TAFA2: variants seen among roughly 807,000 people sequenced by gnomAD.
The protein encoded by TAFA2 is chemokine-like protein TAFA-2.
In TAFA2, 7 loss-of-function variants were observed where a neutral mutation model predicts 18.8. That is an observed-to-expected ratio of 0.37 (90% CI 0.21 to 0.70). The LOEUF (loss-of-function observed/expected upper bound fraction) is 0.70, where lower values mean the gene tolerates loss of function less well. TAFA2 is among the 30% of genes least tolerant of loss of function. The probability of loss-of-function intolerance (pLI) is 0.53; values close to 1 mark genes in which losing one functional copy is unlikely to be tolerated. For synonymous variants in TAFA2, 60 were observed against 54.2 expected, an observed-to-expected ratio of 1.11 and a Z score of -0.47; for missense variants, 122 against 158.1, an observed-to-expected ratio of 0.77 and a Z score of 1.23.
At chr12:62,036,799 C>T (rs1333351573) in intron 1 of TAFA2, among the ~76,000 whole-genome samples, 1 of 152,164 alleles carries the variant, frequency 6.6e-6, no homozygotes, top group Non-Finnish European at 1.5e-5. Flanking sequence ...AGAGAAGTTG[C>T]ACCACCAGAA....
chr12:62,060,500 TTAATAA>T (rs1232380647), intron 1 of TAFA2, among the ~76,000 whole-genome samples: 1 of 152,232 alleles, frequency 6.6e-6, no homozygotes, highest in Admixed American at 6.5e-5. Context: ...TACATAATAC[TTAATAA>T]TAACAATAAA....
intron 4 of TAFA2, among the ~76,000 whole-genome samples, chr12:61,739,635 C>A (rs1229363909): frequency 1.3e-5 from 2 of 151,944 alleles, no homozygotes; most frequent in Admixed American, 6.6e-5. Context: ...CATAATTTCC[C>A]TTATTCATAA....
intron 1 of TAFA2, among the ~76,000 whole-genome samples, chr12:61,961,099 G>A (rs938949558): frequency 6.6e-6 from 1 of 151,880 alleles, no homozygotes; most frequent in African/African-American, 2.4e-5. Context: ...ATGGCAGAAG[G>A]TGAAGGGAAA....
At chr12:62,213,981 T>G (rs568585370) in intron 1 of TAFA2, among the ~76,000 whole-genome samples, 10 of 152,216 alleles carry the variant, frequency 6.6e-5, no homozygotes, top group Admixed American at 1.3e-4. Flanking sequence ...AGTTCCCAGT[T>G]TGCATCATTA....
chr12:61,826,776 T>A (rs1156678448), intron 2 of TAFA2, among the ~76,000 whole-genome samples: 1 of 152,008 alleles, frequency 6.6e-6, no homozygotes, highest in African/African-American at 2.4e-5. Flanking sequence ...TCTCTCTCTC[T>A]CACTTTCTCT....
chr12:62,048,833 C>T (rs1193379864), intron 1 of TAFA2, among the ~76,000 whole-genome samples: 1 of 152,098 alleles, frequency 6.6e-6, no homozygotes, highest in East Asian at 1.9e-4. Context: ...GACAGCACGA[C>T]CAGCAGTGTG....
At chr12:62,063,730 T>TA (rs1312375818) in intron 1 of TAFA2, among the ~76,000 whole-genome samples, 2 of 152,250 alleles carry the variant, frequency 1.3e-5, no homozygotes, top group Non-Finnish European at 2.9e-5. Flanking sequence ...ACATACAACA[T>TA]ACAAATTTCC....
intron 1 of TAFA2, among the ~76,000 whole-genome samples, chr12:62,027,115 A>G (rs1881331165): frequency 1.3e-5 from 2 of 152,160 alleles, no homozygotes; most frequent in African/African-American, 4.8e-5. Context: ...AGATATTTAT[A>G]AGTATAAAAT....
intron 2 of TAFA2, among the ~76,000 whole-genome samples, chr12:61,793,594 T>A (rs1167308483): frequency 6.6e-6 from 1 of 151,784 alleles, no homozygotes; most frequent in Non-Finnish European, 1.5e-5. Flanking sequence ...TAAATTGAAT[T>A]TTTAGTTAAC....
intron 2 of TAFA2, among the ~76,000 whole-genome samples, chr12:61,781,537 T>C (rs530748054): frequency 1.3e-5 from 2 of 151,936 alleles, no homozygotes; most frequent in South Asian, 2.1e-4. Context: ...CTTTTTATAA[T>C]ATGCATTCCA....
chr12:61,780,078 AC>A (rs1870440230), intron 2 of TAFA2, among the ~76,000 whole-genome samples: 1 of 151,790 alleles, frequency 6.6e-6, no homozygotes. Flanking sequence ...GCAAATGAAA[AC>A]AATGTCAAAT....
intron 1 of TAFA2, among the ~76,000 whole-genome samples, chr12:61,962,936 T>G (rs1248807554): frequency 6.6e-6 from 1 of 152,068 alleles, no homozygotes; most frequent in Non-Finnish European, 1.5e-5. Flanking sequence ...CCATGTGTTC[T>G]CACTGTCCAA....
chr12:61,913,290 A>T (rs1876687251), intron 1 of TAFA2, among the ~76,000 whole-genome samples: 1 of 152,242 alleles, frequency 6.6e-6, no homozygotes, highest in Non-Finnish European at 1.5e-5. Flanking sequence ...TACTATACAC[A>T]GTGCCCTTCC....
chr12:62,112,788 T>G (rs1869791401), intron 1 of TAFA2, among the ~76,000 whole-genome samples: 1 of 152,166 alleles, frequency 6.6e-6, no homozygotes, highest in South Asian at 2.1e-4. Context: ...TTGATATTTG[T>G]GTATGCTTCA....
chr12:61,877,752 T>G (rs10877757), intron 1 of TAFA2, among the ~76,000 whole-genome samples: 24,403 of 152,078 alleles, frequency 0.16, 2,140 homozygotes, highest in South Asian at 0.29. Flanking sequence ...TAGCAAGAAT[T>G]TAACCAGTAA....
intron 1 of TAFA2, among the ~76,000 whole-genome samples, chr12:62,055,041 T>A (rs1390666229): frequency 1.3e-5 from 2 of 152,094 alleles, no homozygotes; most frequent in East Asian, 3.9e-4. Flanking sequence ...TATTAGGAGG[T>A]GAGGCCTTTG....
intron 1 of TAFA2, chr12:62,135,952 C>G (rs902053079): frequency 2.0e-5 from 3 of 152,070 alleles, no homozygotes; most frequent in African/African-American, 7.2e-5. Context: ...CCCTGCTCCC[C>G]ATGTGTCTCA....
At chr12:61,922,561 T>C (rs565349461) in intron 1 of TAFA2, among the ~76,000 whole-genome samples, 1 of 152,278 alleles carries the variant, frequency 6.6e-6, no homozygotes, top group Admixed American at 6.5e-5. Flanking sequence ...GACGGTGCTA[T>C]CCGGACCAGA....
rs138319455 is a variant in TAFA2 at position 62,163,212 on chromosome 12, G to A, written c.-2+28047C>T. ...AGTAACATGACTTTACAAGGATCTC[G>A]CCCCAGAAATATGATGAGGTATGTT... On this transcript the variant is annotated intron_variant, in intron 1 of 4. Transcript: ENST00000416284. 2.6e-3 allele frequency among the ~76,000 whole-genome samples: 392 copies of A among 152,032 alleles called. 1 individual carries two copies. Among genetic ancestry groups the A allele is most frequent in the South Asian group, 0.018 (89 of 4,822 alleles).
Sources: gnomAD v4.1 joint callset for allele counts (sites outside exome capture counted in the v4.1 genomes callset) on GRCh38, gnomAD v4.1.1 for gene constraint, MANE v1.5 for transcripts, NCBI Gene and HGNC (gene_info 2026-07-23, HGNC 2026-07-21) for gene names.